The following CCNJL variants were observed in gnomAD, a reference collection of about 807,000 sequenced individuals.
CCNJL encodes the protein cyclin J like.
In CCNJL, 33 loss-of-function variants were observed where a neutral mutation model predicts 33.4. The ratio of observed to expected loss-of-function variants is 0.99; its 90% CI spans 0.75 to 1.32. The LOEUF (loss-of-function observed/expected upper bound fraction) is 1.32, where lower values mean the gene tolerates loss of function less well. Ranked by LOEUF, CCNJL falls within the 40% of genes most tolerant of loss-of-function variation. The probability of loss-of-function intolerance (pLI) is 0.00; values close to 1 mark genes in which losing one functional copy is unlikely to be tolerated. For missense variants in CCNJL, 512 were observed against 499.7 expected, an observed-to-expected ratio of 1.02 and a Z score of -0.23; for synonymous variants, 227 against 220.9, an observed-to-expected ratio of 1.03 and a Z score of -0.24.
At chr5:160,319,365 T>C (rs1447438293) in intron 1 of CCNJL, among the ~76,000 whole-genome samples, 1 of 152,202 alleles carries the variant, frequency 6.6e-6, no homozygotes, top group East Asian at 1.9e-4. Flanking sequence ...TGATGTATTT[T>C]TGTGGATAAA....
chr5:160,330,753 TC>T (rs1269864410), intron 1 of CCNJL, among the ~76,000 whole-genome samples: 4 of 151,980 alleles, frequency 2.6e-5, no homozygotes, highest in African/African-American at 9.7e-5. Flanking sequence ...AACCTCCTCC[TC>T]CTGGGTTCAA....
chr5:160,335,235 C>A (rs149633694), intron 1 of CCNJL, among the ~76,000 whole-genome samples: 2 of 152,136 alleles, frequency 1.3e-5, no homozygotes, highest in African/African-American at 4.8e-5. Context: ...TGTACTCCAG[C>A]CTGGGCAAGA....
intron 2 of CCNJL, among the ~76,000 whole-genome samples, chr5:160,283,276 T>G (rs1368116497): frequency 6.6e-6 from 1 of 152,016 alleles, no homozygotes; most frequent in Admixed American, 6.6e-5. Flanking sequence ...TCCATTTATA[T>G]GAAATGTCCA....
intron 2 of CCNJL, among the ~76,000 whole-genome samples, chr5:160,297,750 A>T (rs949364663): frequency 6.6e-6 from 1 of 152,226 alleles, no homozygotes; most frequent in African/African-American, 2.4e-5. Flanking sequence ...GAAGAAAAGA[A>T]ATATAAATAG....
At chr5:160,322,867 T>A (rs1448725468) in intron 1 of CCNJL, among the ~76,000 whole-genome samples, 1 of 151,120 alleles carries the variant, frequency 6.6e-6, no homozygotes, top group Non-Finnish European at 1.5e-5. Flanking sequence ...GAGCCGAGAT[T>A]GCGCTACTGC....
At chr5:160,289,675 T>C (rs1762521348) in intron 2 of CCNJL, among the ~76,000 whole-genome samples, 1 of 152,104 alleles carries the variant, frequency 6.6e-6, no homozygotes. Flanking sequence ...GGCCAAGGAC[T>C]CATGAATCAC....
At chr5:160,283,418 T>C (rs932625831) in intron 2 of CCNJL, among the ~76,000 whole-genome samples, 3 of 152,166 alleles carry the variant, frequency 2.0e-5, no homozygotes, top group Non-Finnish European at 4.4e-5. Context: ...TGTCATTAGA[T>C]AGTGGTGATG....
At chr5:160,259,347 G>C in intron 4 of CCNJL, 122 bp downstream of exon 4, 1 of 786,924 alleles carries the variant, frequency 1.3e-6, no homozygotes, top group Non-Finnish European at 2.0e-6. Flanking sequence ...GAGTGATCTG[G>C]GTGCACAGGC....
At chr5:160,262,476 A>G (rs184357040) in intron 3 of CCNJL, among the ~76,000 whole-genome samples, 46 of 152,288 alleles carry the variant, frequency 3.0e-4, no homozygotes, top group African/African-American at 1.1e-3. Context: ...TTTGCCCTGG[A>G]CCTACGAGCA....
chr5:160,280,174 C>CA (rs1245204153), intron 3 of CCNJL, among the ~76,000 whole-genome samples: 2 of 152,130 alleles, frequency 1.3e-5, no homozygotes, highest in African/African-American at 2.4e-5. Flanking sequence ...GTTCTGGCAC[C>CA]AGGCAGTTCT....
intron 3 of CCNJL, 31 bp downstream of exon 3, chr5:160,280,490 CACAA>C: frequency 2.6e-6 from 4 of 1,562,274 alleles, no homozygotes; most frequent in Non-Finnish European, 3.5e-6. Flanking sequence ...GAGGAGACCG[CACAA>C]GCGCGGAGGA....
At chr5:160,277,148 C>T (rs1017364064) in intron 3 of CCNJL, among the ~76,000 whole-genome samples, 2 of 152,150 alleles carry the variant, frequency 1.3e-5, no homozygotes, top group Non-Finnish European at 2.9e-5. Flanking sequence ...AACCCACAAA[C>T]ACAACCCCAC....
chr5:160,313,050 C>G (rs2113464927), upstream of CCNJL: 1 of 152,180 alleles, frequency 6.6e-6, no homozygotes, highest in East Asian at 1.9e-4. Flanking sequence ...GCAGAAAAAC[C>G]ACCCTTGTTC....
intron 3 of CCNJL, among the ~76,000 whole-genome samples, chr5:160,261,579 G>C (rs1459339020): frequency 6.6e-6 from 1 of 152,130 alleles, no homozygotes; most frequent in Non-Finnish European, 1.5e-5. Context: ...TCCCAGGGTT[G>C]AGGCTCTGGC....
At chr5:160,255,497 G>A (rs1187404830) in intron 5 of CCNJL, 52 bp downstream of exon 5, 2 of 1,578,380 alleles carry the variant, frequency 1.3e-6, no homozygotes, top group Non-Finnish European at 1.7e-6. Flanking sequence ...AGGCCTCAAG[G>A]CAAGAGGAAC....
rs1274777401 is a variant in CCNJL, at chr5:160,311,899, C to T, written c.25G>A (p.Gly9Arg). Residue 9 changes from glycine to arginine, a missense_variant, in exon 2 of 6, where the codon GGG becomes AGG. By Grantham distance (125) the Gly-to-Arg change is moderately radical. Coordinates refer to ENST00000257536, the MANE Select transcript of CCNJL (RefSeq NM_001308173.3). ...CAGTGGACGTCCGAGGCGACGCGCCCTTCCCACCACGGCTCATCCATCATC... is the reference window on the plus strand; with the variant it reads ...CAGTGGACGTCCGAGGCGACGCGCCTTTCCCACCACGGCTCATCCATCATC... MMDEPWWE[G>R]RVASDVHCTL... is the part of the protein sequence containing the mutation. 1 of 1,614,206 alleles carries T rather than the reference C, an allele frequency of 6.2e-7. No homozygotes were observed. The highest frequency in any genetic ancestry group is 1.3e-5 in the African/African-American group (1 of 75,062).
At chr5:160,299,157 A>T (rs80143710) in intron 2 of CCNJL, among the ~76,000 whole-genome samples, 12,974 of 149,780 alleles carry the variant, frequency 0.087, 1,874 homozygotes, top group African/African-American at 0.3. Flanking sequence ...TTAAAAAAAA[A>T]TTTTTTTTTT....
At chr5:160,271,938 C>T (rs912403456) in intron 3 of CCNJL, among the ~76,000 whole-genome samples, 2 of 152,214 alleles carry the variant, frequency 1.3e-5, no homozygotes, top group Admixed American at 6.5e-5. Flanking sequence ...GGCGCTGCCA[C>T]GTTTCCTTGA....
intron 2 of CCNJL, among the ~76,000 whole-genome samples, chr5:160,310,451 C>T (rs1361385315): frequency 1.3e-5 from 2 of 152,220 alleles, no homozygotes; most frequent in Non-Finnish European, 2.9e-5. Flanking sequence ...AGGAAGACAG[C>T]TACTCAATGA....
Sources: gnomAD v4.1 joint callset for allele counts (sites outside exome capture counted in the v4.1 genomes callset) on GRCh38, gnomAD v4.1.1 for gene constraint, MANE v1.5 for transcripts, NCBI Gene and HGNC (gene_info 2026-07-23, HGNC 2026-07-21) for gene names.